XRN1: variants seen among roughly 807,000 people sequenced by gnomAD.
The protein encoded by XRN1 is 5'-3' exoribonuclease 1.
In XRN1, 67 loss-of-function variants were observed where a neutral mutation model predicts 222.3. That is an observed-to-expected ratio of 0.30 (90% CI 0.25 to 0.37). The LOEUF is 0.37. Ranked by LOEUF, XRN1 falls within the 10% of genes least tolerant of loss-of-function variation. The probability of loss-of-function intolerance (pLI) is 1.00; values close to 1 mark genes in which losing one functional copy is unlikely to be tolerated. For synonymous variants in XRN1, 643 were observed against 652.4 expected, an observed-to-expected ratio of 0.99 and a Z score of 0.22; for missense variants, 1,707 against 2,000.2, an observed-to-expected ratio of 0.85 and a Z score of 2.80.
At chr3:142,353,635 T>C (rs920005810) in intron 32 of XRN1, among the ~76,000 whole-genome samples, 2 of 152,174 alleles carry the variant, frequency 1.3e-5, no homozygotes, top group African/African-American at 4.8e-5. Context: ...TGCAGAAGAA[T>C]GAAACTGGAC....
intron 8 of XRN1, 121 bp downstream of exon 8, chr3:142,422,461 T>C: frequency 9.2e-7 from 1 of 1,086,784 alleles, no homozygotes; most frequent in Non-Finnish European, 1.3e-6. Flanking sequence ...TAGACCAAAA[T>C]AAATCCTCAA....
chr3:142,411,152 C>A (rs2068562114), intron 15 of XRN1, among the ~76,000 whole-genome samples: 1 of 152,040 alleles, frequency 6.6e-6, no homozygotes, highest in East Asian at 1.9e-4. Flanking sequence ...CTTAACTAAC[C>A]TTTTACTATA....
chr3:142,320,019 T>C (rs2065310575), intron 37 of XRN1, among the ~76,000 whole-genome samples: 1 of 152,192 alleles, frequency 6.6e-6, no homozygotes, highest in East Asian at 1.9e-4. Flanking sequence ...CTACTGTGAA[T>C]AGTGCTGTGA....
At position 142,414,233 on chromosome 3, in the gene XRN1, T is replaced by G. The variant is rs146106309; in HGVS notation, c.1495A>C (p.Lys499Gln). Residue 499 changes from lysine (K) to glutamine (Q), a missense_variant, in exon 14 of 41, where the codon AAA becomes CAA. By Grantham distance (53) the Lys-to-Gln change is moderately conservative. Coordinates refer to ENST00000392981, the MANE Select transcript of XRN1 (RefSeq NM_001282857.2). Reference protein sequence around the residue: ...LSDIHNISTLKIHFELGKPFK... With the variant: ...LSDIHNISTLQIHFELGKPFK... The stretch of plus-strand genomic sequence containing the variant: ...GGTTTTCCTAGTTCAAAATGGATTT[T>G]GAGTGTACTGATGTTGTGTATATCA... 6.9e-4 allele frequency: 1,115 copies of G among 1,613,982 alleles called. No homozygotes were observed. Among genetic ancestry groups the G allele is most frequent in the Admixed American group, 8.8e-4 (53 of 60,002 alleles).
intron 1 of XRN1, among the ~76,000 whole-genome samples, chr3:142,443,137 C>T (rs2070316320): frequency 6.6e-6 from 1 of 152,178 alleles, no homozygotes; most frequent in Non-Finnish European, 1.5e-5. Context: ...CAGTCCATGA[C>T]TAAGATCTAC....
rs1301708413 is a variant in XRN1, at chr3:142,447,035, C to T, written c.75+835G>A. Among the ~76,000 whole-genome samples, 1 of 152,158 alleles carries T rather than the reference C, an allele frequency of 6.6e-6. No homozygotes were observed. Among genetic ancestry groups the T allele is most frequent in the Non-Finnish European group, 1.5e-5 (1 of 68,018 alleles). ...TCAAATTCATTAAATGTGACAAACA[C>T]CAAAGTATCACCCAAAGTCTAGTTT... On this transcript the variant is annotated intron_variant, in intron 1 of 40. Coordinates refer to ENST00000392981, the MANE Select transcript of XRN1 (RefSeq NM_001282857.2). This position sits in a 1 kb window ranked among gnomAD's most constrained non-coding sequence, Gnocchi z 4.2.
Position 142,432,761 on chromosome 3 carries a change from C to A in XRN1, c.208G>T (p.Val70Leu), listed in dbSNP as rs1336362462. ...CTGGGTTTAATAATGCGAAACAACA[C>A]CTCCAGGTAGTGAAAAATATCAGTA... ...IFTDIFHYLEVLFRIIKPRKV... is the reference protein window; with the variant it reads ...IFTDIFHYLELLFRIIKPRKV... The change falls in exon 2 of 41, where the codon GTG becomes TTG. Residue 70 changes from valine (V) to leucine (L), a missense_variant. Transcript: ENST00000392981. 1 of 1,613,814 alleles carries A rather than the reference C, an allele frequency of 6.2e-7. No homozygotes were observed. The highest frequency in any genetic ancestry group is 8.5e-7 in the Non-Finnish European group (1 of 1,179,974).
chr3:142,354,813 G>A (rs746182050), intron 32 of XRN1, among the ~76,000 whole-genome samples: 2 of 152,114 alleles, frequency 1.3e-5, no homozygotes, highest in African/African-American at 2.4e-5. Flanking sequence ...TTACAGGTGT[G>A]AGCCACAGTG....
intron 20 of XRN1, among the ~76,000 whole-genome samples, chr3:142,396,784 T>C (rs1467497079): frequency 2.0e-5 from 3 of 152,132 alleles, no homozygotes; most frequent in Non-Finnish European, 4.4e-5. Context: ...AATTCTTGTG[T>C]TTGGATGGCA....
intron 37 of XRN1, among the ~76,000 whole-genome samples, chr3:142,324,643 T>C (rs559672478): frequency 6.6e-6 from 1 of 151,866 alleles, no homozygotes; most frequent in Admixed American, 6.5e-5. Context: ...ATGGTATTTC[T>C]AGTTCTAGAT....
rs571633088 is a variant in XRN1 at position 142,412,745 on chromosome 3, C to T, written c.1594-82G>A. On this transcript the variant is annotated intron_variant, in intron 14 of 40. Transcript: ENST00000392981. Reference sequence around the variant, plus strand: ...TTTGTTAATGTATTTATAATATTTCCTCATGTTAGTTTAAAATTTCTAAGC... The same window carrying T: ...TTTGTTAATGTATTTATAATATTTCTTCATGTTAGTTTAAAATTTCTAAGC... 46 of 1,145,850 alleles carry T rather than the reference C, an allele frequency of 4.0e-5. No individual in the cohort carries two copies. The East Asian group carries it at 1.3e-3, about 32-fold the overall frequency. The allele number at this position is 1,145,850 out of a possible 1,614,324, so 71.0% of individuals were successfully genotyped here.
chr3:142,371,360 A>G, intron 25 of XRN1, 32 bp from the exon 26 acceptor site: 1 of 1,505,880 alleles, frequency 6.6e-7, no homozygotes. Context: ...TTGTCTTAAA[A>G]TATATATGGT....
At chr3:142,340,842 A>G (rs116196326) in intron 33 of XRN1, among the ~76,000 whole-genome samples, 4 of 152,136 alleles carry the variant, frequency 2.6e-5, no homozygotes. Context: ...TCCTTCAAAC[A>G]TGAAGGAGAA....
At chr3:142,346,771 G>A (rs1251873269) in intron 33 of XRN1, among the ~76,000 whole-genome samples, 9 of 152,124 alleles carry the variant, frequency 5.9e-5, no homozygotes, top group Admixed American at 3.3e-4. Context: ...ATGAGCCACC[G>A]TGCCCTGCCT....
At chr3:142,349,656 A>G (rs2107809661) in intron 32 of XRN1, among the ~76,000 whole-genome samples, 1 of 152,244 alleles carries the variant, frequency 6.6e-6, no homozygotes, top group East Asian at 1.9e-4. Flanking sequence ...ATATCTATAT[A>G]AAGGTATTTG....
intron 29 of XRN1, among the ~76,000 whole-genome samples, chr3:142,364,843 T>C (rs139214535): frequency 3.3e-5 from 5 of 152,270 alleles, no homozygotes; most frequent in Admixed American, 1.3e-4. Flanking sequence ...CCTTTTAATC[T>C]CTTTCCAGAT....
intron 20 of XRN1, among the ~76,000 whole-genome samples, chr3:142,387,410 G>A (rs977212733): frequency 1.3e-5 from 2 of 152,058 alleles, no homozygotes; most frequent in African/African-American, 4.8e-5. Context: ...TTCTTGACTT[G>A]TATTCTTGTT....
intron 30 of XRN1, among the ~76,000 whole-genome samples, chr3:142,358,054 CAACAAA>C (rs1035696327): frequency 7.9e-5 from 12 of 151,924 alleles, no homozygotes; most frequent in South Asian, 2.1e-4. Flanking sequence ...CAAAATACAA[CAACAAA>C]AACAAAAACA....
intron 39 of XRN1, among the ~76,000 whole-genome samples, chr3:142,315,270 T>C (rs1471317200): frequency 1.3e-5 from 2 of 152,066 alleles, no homozygotes; most frequent in Non-Finnish European, 2.9e-5. Context: ...GTTACTGTAC[T>C]GCACTGGCAT....
Sources: allele counts gnomAD v4.1 joint callset (sites outside exome capture counted in the v4.1 genomes callset), GRCh38; gene constraint gnomAD v4.1.1; non-coding constraint Gnocchi (gnomAD v3.1); transcripts MANE v1.5; gene names NCBI Gene and HGNC (gene_info 2026-07-23, HGNC 2026-07-21).